The following UBE3C variants were observed in gnomAD, a reference collection of about 807,000 sequenced individuals.
UBE3C encodes ubiquitin protein ligase E3C, also known as ubiquitin-protein ligase E3C.
In UBE3C, 42 loss-of-function variants were observed where a neutral mutation model predicts 129.4. The observed-to-expected ratio is 0.32, with a 90% CI of 0.25 to 0.42. The LOEUF is 0.42. UBE3C is among the 10% of genes least tolerant of loss of function. The pLI is 1.00. For missense variants in UBE3C, 1,049 were observed against 1,319.1 expected (o/e 0.80, Z 3.17); for synonymous variants, 510 against 492.4 (o/e 1.04, Z -0.47).
intron 4 of UBE3C, among the ~76,000 whole-genome samples, 197 bp from the exon 5 acceptor site, chr7:157,174,722 A>G (rs191828191): frequency 6.6e-6 from 1 of 152,260 alleles, no homozygotes; most frequent in Admixed American, 6.5e-5. Context: ...AAAGTTACAG[A>G]CGTGAACCAC....
intron 1 of UBE3C, among the ~76,000 whole-genome samples, chr7:157,159,879 C>T (rs941789076): frequency 6.6e-6 from 1 of 152,130 alleles, no homozygotes; most frequent in African/African-American, 2.4e-5. Context: ...AATCAGAATT[C>T]TTTGGTTAAT....
intron 21 of UBE3C, among the ~76,000 whole-genome samples, chr7:157,256,110 G>A (rs1387538521): frequency 6.6e-6 from 1 of 152,058 alleles, no homozygotes; most frequent in Non-Finnish European, 1.5e-5. Flanking sequence ...CATCTTTATA[G>A]TTACAGGGTG....
chr7:157,153,017 GA>G (rs1216665127), intron 1 of UBE3C, among the ~76,000 whole-genome samples: 2 of 152,098 alleles, frequency 1.3e-5, no homozygotes, highest in African/African-American at 2.4e-5. Flanking sequence ...CCAACATGGC[GA>G]AACCCTGTCT....
chr7:157,259,186 C>G (rs1222452127), intron 22 of UBE3C, among the ~76,000 whole-genome samples: 3 of 152,254 alleles, frequency 2.0e-5, no homozygotes, highest in Non-Finnish European at 2.9e-5. Context: ...AGACCTGAGT[C>G]AGCGCTCAGT....
Position 157,245,630 on chromosome 7 carries a change from A to G in UBE3C, c.2482-2738A>G, listed in dbSNP as rs1290962915. Reference sequence around the variant, plus strand: ...TCTTTTCAAAATTAATTGGGTAATCATTAGTCCTCAAATCAGAAATAAAAG... The same window carrying G: ...TCTTTTCAAAATTAATTGGGTAATCGTTAGTCCTCAAATCAGAAATAAAAG... On this transcript the variant is annotated intron_variant, in intron 18 of 22. Transcript: ENST00000348165. Among the ~76,000 whole-genome samples, 7 of 152,348 alleles carry G rather than the reference A, an allele frequency of 4.6e-5. No individual in the cohort carries two copies. The East Asian group carries it at 1.3e-3, about 29-fold the overall frequency.
intron 10 of UBE3C, chr7:157,198,483 C>CCGAG: frequency 2.3e-6 from 1 of 436,474 alleles, no homozygotes; most frequent in South Asian, 2.3e-5. Flanking sequence ...CTCCTGCTCA[C>CCGAG]CGAGCTCAGG....
At chr7:157,164,895 A>G (rs1190127565) in intron 2 of UBE3C, among the ~76,000 whole-genome samples, 3 of 152,154 alleles carry the variant, frequency 2.0e-5, no homozygotes, top group African/African-American at 7.2e-5. Context: ...GTTTAGGGGA[A>G]GGGCTCTCTG....
chr7:157,212,161 A>C (rs1174980413), intron 13 of UBE3C, among the ~76,000 whole-genome samples: 9 of 152,190 alleles, frequency 5.9e-5, no homozygotes, highest in Admixed American at 4.6e-4. Context: ...TTGCTTTTTA[A>C]AGAACTAACT....
intron 10 of UBE3C, among the ~76,000 whole-genome samples, chr7:157,194,886 G>C (rs1490352416): frequency 6.6e-6 from 1 of 152,192 alleles, no homozygotes; most frequent in African/African-American, 2.4e-5. Context: ...ACAGCCTGCT[G>C]TCTTCTTGCT....
At chr7:157,151,400 C>T (rs1328475909) in intron 1 of UBE3C, among the ~76,000 whole-genome samples, 3 of 152,042 alleles carry the variant, frequency 2.0e-5, no homozygotes, top group East Asian at 1.9e-4. Context: ...TGAGTTCACT[C>T]GGAGAAGATT....
chr7:157,152,806 G>C (rs767430639), intron 1 of UBE3C, among the ~76,000 whole-genome samples: 2 of 152,110 alleles, frequency 1.3e-5, no homozygotes, highest in Admixed American at 6.5e-5. Flanking sequence ...TAACTGCTTG[G>C]GAAGTTGAGG....
chr7:157,213,124 G>A (rs551679883), intron 13 of UBE3C, among the ~76,000 whole-genome samples: 28 of 152,324 alleles, frequency 1.8e-4, no homozygotes, highest in African/African-American at 5.3e-4. Flanking sequence ...TTTATTTAAT[G>A]TAACGTTTTG....
chr7:157,163,532 A>G (rs1367347831), intron 1 of UBE3C, among the ~76,000 whole-genome samples: 1 of 152,212 alleles, frequency 6.6e-6, no homozygotes, highest in Non-Finnish European at 1.5e-5. Flanking sequence ...GTCTTACTCA[A>G]CATTTCCCCA....
chr7:157,224,074 T>A (rs562473617), intron 16 of UBE3C, among the ~76,000 whole-genome samples: 5 of 152,214 alleles, frequency 3.3e-5, no homozygotes, highest in African/African-American at 1.2e-4. Context: ...AGTGCTGTGA[T>A]CATAGCTCAC....
intron 19 of UBE3C, among the ~76,000 whole-genome samples, chr7:157,252,496 T>TCA (rs1052423827): frequency 1.3e-5 from 2 of 152,242 alleles, no homozygotes; most frequent in African/African-American, 4.8e-5. Context: ...AATAATTGTA[T>TCA]CATCCTTTAA....
intron 6 of UBE3C, among the ~76,000 whole-genome samples, chr7:157,179,240 T>C (rs1808606259): frequency 6.6e-6 from 1 of 151,998 alleles, no homozygotes; most frequent in Non-Finnish European, 1.5e-5. Flanking sequence ...ATGCCACCAA[T>C]GTATGAGTTG....
chr7:157,233,070 G>T lies in UBE3C; in HGVS notation c.2481+1743G>T, dbSNP rs115343314. 6.9e-4 allele frequency among the ~76,000 whole-genome samples: 105 copies of T among 151,460 alleles called. 1 individual carries two copies. The highest frequency in any genetic ancestry group is 2.3e-3 in the African/African-American group (94 of 41,294). On this transcript the variant is annotated intron_variant, in intron 18 of 22. Coordinates refer to ENST00000348165, the MANE Select transcript of UBE3C (RefSeq NM_014671.3). ...TCCTGCCCTTCCTCCCCCAGCCCTG[G>T]CCAACCACTAGTCTACTTTCAGTCT...
At chr7:157,191,968 A>T (rs969532341) in intron 10 of UBE3C, among the ~76,000 whole-genome samples, 2 of 152,194 alleles carry the variant, frequency 1.3e-5, no homozygotes, top group South Asian at 2.1e-4. Context: ...GATTCATGTT[A>T]AAAATTGCAT....
Position 157,257,194 on chromosome 7 carries a change from A to G in UBE3C, c.3081+150A>G, listed in dbSNP as rs550999173. 2.0e-5 allele frequency: 23 copies of G among 1,159,016 alleles called. No individual in the cohort carries two copies. The South Asian group carries it at 3.9e-4, about 20-fold the overall frequency. The allele number at this position is 1,159,016 out of a possible 1,614,324, so 71.8% of individuals were successfully genotyped here. On this transcript the variant is annotated intron_variant, in intron 22 of 22. Coordinates refer to ENST00000348165, the MANE Select transcript of UBE3C (RefSeq NM_014671.3). ...TAATTAAGTACTGGTTATGATGTAT[A>G]TATTTTGGTGCTAGTTTTATTTGGG...
Sources: gnomAD v4.1 joint callset for allele counts (sites outside exome capture counted in the v4.1 genomes callset) on GRCh38, gnomAD v4.1.1 for gene constraint, MANE v1.5 for transcripts, NCBI Gene and HGNC (gene_info 2026-07-23, HGNC 2026-07-21) for gene names.